STAG1: variants seen among roughly 807,000 people sequenced by gnomAD.
STAG1 encodes the protein cohesin subunit SA-1.
A neutral mutation model predicts 170.9 loss-of-function variants in STAG1; 26 were observed. The observed-to-expected ratio is 0.15, with a 90% CI of 0.11 to 0.21. STAG1 has a LOEUF of 0.21. STAG1 is among the 10% of genes least tolerant of loss of function. STAG1 has a pLI of 1.00. For missense variants in STAG1, 964 were observed against 1,509.5 expected (o/e 0.64, Z 5.99); for synonymous variants, 514 against 497.7 (o/e 1.03, Z -0.44).
rs35492621 is a variant in STAG1, at chr3:136,430,806, G to GACACACACACACAC, written c.1650+2736_1650+2749dup. ...TAAGAGAAGGAAACAGACATAGACA[G>GACACACACACACAC]ACACACACACACACACACACACACA... On this transcript the variant is annotated intron_variant, in intron 16 of 33. Coordinates refer to ENST00000383202, the MANE Select transcript of STAG1 (RefSeq NM_005862.3). 1.3e-3 allele frequency among the ~76,000 whole-genome samples: 164 copies of GACACACACACACAC among 131,144 alleles called. 1 individual carries two copies. Among genetic ancestry groups the GACACACACACACAC allele is most frequent in the Middle Eastern group, 4.0e-3 (1 of 252 alleles). The allele number at this position is 131,144 out of a possible 152,430, so 86.0% of individuals were successfully genotyped here. A position where few individuals can be genotyped will look rare whatever the true frequency, so the allele number is the denominator to read the frequency against.
intron 2 of STAG1, among the ~76,000 whole-genome samples, chr3:136,629,691 A>G (rs372651359): frequency 5.3e-5 from 8 of 152,168 alleles, no homozygotes; most frequent in African/African-American, 1.9e-4. Flanking sequence ...CAAGAGATCA[A>G]TCAGAGGTTC....
intron 9 of STAG1, among the ~76,000 whole-genome samples, chr3:136,485,516 C>G (rs150369715): frequency 6.3e-4 from 96 of 152,234 alleles, no homozygotes; most frequent in African/African-American, 2.2e-3. Flanking sequence ...CTACATAATA[C>G]TGAACATGCG....
intron 25 of STAG1, among the ~76,000 whole-genome samples, chr3:136,364,514 A>C (rs1054511588): frequency 4.6e-5 from 7 of 152,056 alleles, no homozygotes; most frequent in African/African-American, 1.7e-4. Context: ...GGGTGGGCCT[A>C]AATAGGGGGA....
At chr3:136,452,548 A>T (rs2107777546) in intron 13 of STAG1, among the ~76,000 whole-genome samples, 1 of 151,286 alleles carries the variant, frequency 6.6e-6, no homozygotes, top group East Asian at 2.0e-4. Context: ...TGGGTGACAG[A>T]GACTCCGAAA....
At chr3:136,405,228 C>CT (rs2087443331) in intron 21 of STAG1, among the ~76,000 whole-genome samples, 9 of 126,498 alleles carry the variant, frequency 7.1e-5, no homozygotes, top group Non-Finnish European at 1.4e-4. Flanking sequence ...CATGAAAAAA[C>CT]CTCTTTTTTT....
intron 2 of STAG1, among the ~76,000 whole-genome samples, chr3:136,627,268 T>C (rs1019244619): frequency 3.3e-5 from 5 of 152,134 alleles, no homozygotes; most frequent in African/African-American, 1.2e-4. Context: ...AAAAGAAAAT[T>C]TCGAGCAACA....
At position 136,357,860 on chromosome 3, in the gene STAG1, G is replaced by T. The variant is rs367902665; in HGVS notation, c.2937-12C>A. The stretch of plus-strand genomic sequence containing the variant: ...ACTCTATGCCATCCCTGAAGTAAAA[G>T]AAAATATCAACTTATTTTTCCAGAT... On this transcript the variant is annotated splice_polypyrimidine_tract_variant and intron_variant, in intron 27 of 33. Coordinates refer to ENST00000383202, the MANE Select transcript of STAG1 (RefSeq NM_005862.3). 81 of 1,582,894 alleles carry T rather than the reference G, an allele frequency of 5.1e-5. No individual in the cohort carries two copies. The highest frequency in any genetic ancestry group is 6.7e-5 in the Non-Finnish European group (78 of 1,168,942).
At chr3:136,582,596 C>A (rs911721170) in intron 4 of STAG1, among the ~76,000 whole-genome samples, 2 of 152,156 alleles carry the variant, frequency 1.3e-5, no homozygotes, top group Non-Finnish European at 2.9e-5. Context: ...GTCAGGAGTT[C>A]GAGACCAGCC....
At chr3:136,358,780 C>T (rs1295009449) in intron 27 of STAG1, among the ~76,000 whole-genome samples, 3 of 152,014 alleles carry the variant, frequency 2.0e-5, no homozygotes, top group Non-Finnish European at 4.4e-5. Flanking sequence ...TACTGCATTG[C>T]CCAGGCTAGT....
At chr3:136,395,505 C>T (rs1187884433) in intron 22 of STAG1, among the ~76,000 whole-genome samples, 1 of 152,080 alleles carries the variant, frequency 6.6e-6, no homozygotes, top group Non-Finnish European at 1.5e-5. Context: ...CCTGTAATCC[C>T]AGCTACCCTG....
chr3:136,430,614 A>G (rs991013314), intron 16 of STAG1, among the ~76,000 whole-genome samples: 1 of 135,560 alleles, frequency 7.4e-6, no homozygotes, highest in Non-Finnish European at 1.6e-5. Context: ...CACTAACGAT[A>G]GCTGAAGAGC....
At chr3:136,430,174 A>G (rs1338369065) in intron 16 of STAG1, 4 of 152,232 alleles carry the variant, frequency 2.6e-5, no homozygotes, top group Admixed American at 2.0e-4. Context: ...TCTGCTGCCG[A>G]AGTGAGCACA....
chr3:136,577,732 G>A (rs1298286107), intron 4 of STAG1, among the ~76,000 whole-genome samples: 1 of 152,100 alleles, frequency 6.6e-6, no homozygotes, highest in African/African-American at 2.4e-5. Flanking sequence ...TAACCCAGAA[G>A]AAAATAGCTT....
chr3:136,574,343 T>TAC (rs144809759), intron 4 of STAG1, among the ~76,000 whole-genome samples: 8,512 of 148,912 alleles, frequency 0.057, 241 homozygotes, highest in East Asian at 0.13. Flanking sequence ...TGTGTGTGTA[T>TAC]ACACACACAC....
intron 1 of STAG1, among the ~76,000 whole-genome samples, chr3:136,713,832 A>G (rs185872766): frequency 1.3e-5 from 2 of 152,066 alleles, no homozygotes; most frequent in Admixed American, 1.3e-4. Context: ...AGACCGCCCT[A>G]GCCAACATGA....
intron 6 of STAG1, among the ~76,000 whole-genome samples, chr3:136,527,186 G>A (rs944334329): frequency 2.7e-4 from 41 of 152,154 alleles, no homozygotes; most frequent in South Asian, 4.1e-4. Flanking sequence ...CCTGCAGAGT[G>A]TTTTCCAACT....
intron 4 of STAG1, among the ~76,000 whole-genome samples, chr3:136,600,476 C>T (rs184040749): frequency 2.2e-3 from 331 of 152,322 alleles, no homozygotes; most frequent in South Asian, 7.0e-3. Context: ...TCCATACAAA[C>T]CACAGAAATA....
chr3:136,743,032 T>C (rs938800130), intron 1 of STAG1, among the ~76,000 whole-genome samples: 1 of 152,192 alleles, frequency 6.6e-6, no homozygotes, highest in Non-Finnish European at 1.5e-5. Context: ...AGTTGGTTAT[T>C]TGAAAAAATA....
At chr3:136,431,787 T>G (rs2088310735) in intron 16 of STAG1, among the ~76,000 whole-genome samples, 1 of 152,186 alleles carries the variant, frequency 6.6e-6, no homozygotes, top group Non-Finnish European at 1.5e-5. Flanking sequence ...TAACTGTTAA[T>G]ACTATTGCTA....
Sources: allele counts gnomAD v4.1 joint callset (sites outside exome capture counted in the v4.1 genomes callset), GRCh38; gene constraint gnomAD v4.1.1; transcripts MANE v1.5; gene names NCBI Gene and HGNC (gene_info 2026-07-23, HGNC 2026-07-21).